Variants in ENKD1 observed in about 807,000 individuals in gnomAD.
The protein encoded by ENKD1 is enkurin domain containing 1.
In ENKD1, 39 loss-of-function variants were observed where a neutral mutation model predicts 35.8. The observed-to-expected ratio is 1.09, with a 90% CI of 0.84 to 1.42. The LOEUF (loss-of-function observed/expected upper bound fraction) is 1.42, where lower values mean the gene tolerates loss of function less well. ENKD1 is among the 40% of genes most tolerant of loss of function. The pLI, the probability that ENKD1 is intolerant of heterozygous loss-of-function variation, is 0.00. For synonymous variants in ENKD1, 205 were observed against 198.6 expected, an observed-to-expected ratio of 1.03 and a Z score of -0.27; for missense variants, 474 against 471.3, an observed-to-expected ratio of 1.01 and a Z score of -0.05.
At chr16:67,665,276 T>C in intron 2 of ENKD1, 108 bp from the exon 3 acceptor site, 1 of 1,277,372 alleles carries the variant, frequency 7.8e-7, no homozygotes, top group Non-Finnish European at 1.1e-6. Context: ...AAGAGCTCCC[T>C]GACCTCTCCA....
In ENKD1 at chr16:67,665,262, C is replaced by A. The variant is rs1402930947; in HGVS notation, c.281-94G>T. The stretch of plus-strand genomic sequence containing the variant: ...ACACAGGCCTGCCCCCTGCCTCCTA[C>A]AGAAAGAGCTCCCTGACCTCTCCAA... On this transcript the variant is annotated intron_variant, in intron 2 of 6. Transcript: ENST00000243878. The A allele has an allele frequency of 1.1e-5, 15 of 1,427,116 alleles. No individual in the cohort carries two copies. In the East Asian group the frequency reaches 3.3e-4, roughly 31 times the overall value. The allele number at this position is 1,427,116 out of a possible 1,614,324, so 88.4% of individuals were successfully genotyped here.
intron 3 of ENKD1, 42 bp from the exon 4 acceptor site, chr16:67,664,104 T>G (rs368355254): frequency 6.5e-7 from 1 of 1,532,382 alleles, no homozygotes. Context: ...CAGGCTGAGG[T>G]CTGGGGCTCA....
In ENKD1 at chr16:67,663,008, C is replaced by A; in HGVS notation, c.*153G>T. ...AAAGGCTAGGGTGGCCCTTCTGCAG[C>A]CACTGGTGACTGGGAAGAGTGCTCT... On this transcript the variant is annotated 3_prime_UTR_variant, in exon 7 of 7. Transcript: ENST00000243878. 1.2e-6 allele frequency: 1 copy of A among 844,406 alleles called. No individual in the cohort carries two copies. Among genetic ancestry groups the A allele is most frequent in the Non-Finnish European group, 1.8e-6 (1 of 558,586 alleles). The allele number at this position is 844,406 out of a possible 1,614,324, so 52.3% of individuals were successfully genotyped here. A position where few individuals can be genotyped will look rare whatever the true frequency, so the allele number is the denominator to read the frequency against.
chr16:67,665,368 C>CATTATT (rs748706844), intron 2 of ENKD1, among the ~76,000 whole-genome samples, 200 bp from the exon 3 acceptor site: 42 of 151,390 alleles, frequency 2.8e-4, no homozygotes, highest in South Asian at 1.0e-3. Flanking sequence ...TGATTTTCTC[C>CATTATT]ATTATTATTA....
Position 67,662,980 on chromosome 16 carries a change from T to C in ENKD1, c.*181A>G. The C allele has an allele frequency of 2.9e-6, 2 of 692,870 alleles. No individual in the cohort carries two copies. The allele number at this position is 692,870 out of a possible 1,614,324, so 42.9% of individuals were successfully genotyped here. A position where few individuals can be genotyped will look rare whatever the true frequency, so the allele number is the denominator to read the frequency against. Reference sequence around the variant, plus strand: ...AAAATGTTTAATTTTGACAAAGCAGTTAAAAGGCTAGGGTGGCCCTTCTGC... The same window carrying C: ...AAAATGTTTAATTTTGACAAAGCAGCTAAAAGGCTAGGGTGGCCCTTCTGC... On this transcript the variant is annotated 3_prime_UTR_variant, in exon 7 of 7. Transcript: ENST00000243878. This position sits in a 1 kb window ranked among gnomAD's most constrained non-coding sequence, Gnocchi z 6.9.
At position 67,663,472 on chromosome 16, in the gene ENKD1, G is replaced by C. The variant is rs940114667; in HGVS notation, c.828C>G (p.His276Gln). 2.8e-5 allele frequency: 45 copies of C among 1,613,222 alleles called. No individual in the cohort carries two copies. Among genetic ancestry groups the C allele is most frequent in the Non-Finnish European group, 3.7e-5 (44 of 1,179,926 alleles). Reference protein sequence around the residue: ...SQPDPAMPPGHTRMPENQRLE... With the variant: ...SQPDPAMPPGQTRMPENQRLE... ...GCCGCTGGTTCTCAGGCATGCGCGT[G>C]TGGCCTGGGGGCATGGCAGGGTCCG... The change falls in exon 6 of 7, where the codon CAC (histidine) becomes CAG (glutamine). Residue 276 changes from histidine (H) to glutamine (Q), a missense_variant. His to Gln is a conservative substitution (Grantham distance 24). Coordinates refer to ENST00000243878, the MANE Select transcript of ENKD1 (RefSeq NM_032140.3).
Position 67,666,591 on chromosome 16 carries a change from C to T in ENKD1, c.-149G>A, listed in dbSNP as rs2053107579. ...CCACTCCCGGGCCCCTGCCGGTCCCCGCCTGGGCCCCGGCCTCGCTCGCCA... is the reference window on the plus strand; with the variant it reads ...CCACTCCCGGGCCCCTGCCGGTCCCTGCCTGGGCCCCGGCCTCGCTCGCCA... On this transcript the variant is annotated 5_prime_UTR_variant, in exon 1 of 7. Coordinates refer to ENST00000243878, the MANE Select transcript of ENKD1 (RefSeq NM_032140.3). 2 of 699,466 alleles carry T rather than the reference C, an allele frequency of 2.9e-6. No homozygotes were observed. The highest frequency in any genetic ancestry group is 3.8e-5 in the African/African-American group (2 of 52,414). 43.3% of individuals were successfully genotyped at this position (699,466 alleles called of 1,614,324 possible).
At chr16:67,664,821 A>G in intron 3 of ENKD1, 175 bp downstream of exon 3, 1 of 705,030 alleles carries the variant, frequency 1.4e-6, no homozygotes, top group Non-Finnish European at 2.2e-6. Flanking sequence ...CCTCAGGATC[A>G]GCCCCACCAT....
intron 2 of ENKD1, among the ~76,000 whole-genome samples, 176 bp downstream of exon 2, chr16:67,665,895 C>A (rs2053094263): frequency 6.6e-6 from 1 of 152,238 alleles, no homozygotes; most frequent in African/African-American, 2.4e-5. Flanking sequence ...GGAACTACCT[C>A]ATTCAGTTCA....
chr16:67,663,748 A>T lies in ENKD1; in HGVS notation c.652T>A (p.Cys218Ser). ...AAKRAPRRHS[C>S]SLQVLAQVLE... ...ACTTGTGCCAGGACCTGCAGTGAGCAGGAATGCCTCCGGGGGGCTCTCTTG... is the reference window on the plus strand; with the variant it reads ...ACTTGTGCCAGGACCTGCAGTGAGCTGGAATGCCTCCGGGGGGCTCTCTTG... The change falls in exon 5 of 7, where the codon TGC (cysteine) becomes AGC (serine). Residue 218 changes from cysteine to serine, a missense_variant. Cys to Ser is a moderately radical substitution (Grantham distance 112). Transcript: ENST00000243878. The T allele has an allele frequency of 6.2e-7, 1 of 1,612,328 alleles. No individual in the cohort carries two copies. The highest frequency in any genetic ancestry group is 8.5e-7 in the Non-Finnish European group (1 of 1,179,254).
chr16:67,665,300 C>G (rs1300212583), intron 2 of ENKD1, 132 bp from the exon 3 acceptor site: 3 of 824,976 alleles, frequency 3.6e-6, no homozygotes, highest in Non-Finnish European at 5.5e-6. Flanking sequence ...ACCTTAGACC[C>G]TACACACACT....
intron 3 of ENKD1, 93 bp from the exon 4 acceptor site, chr16:67,664,155 C>T (rs891245075): frequency 1.3e-5 from 15 of 1,160,820 alleles, no homozygotes; most frequent in Middle Eastern, 3.8e-4. Flanking sequence ...CTGACCTTTG[C>T]ATCCATGTCC....
Position 67,666,517 on chromosome 16 carries a change from C to A in ENKD1, c.-75G>T. 2 of 1,300,588 alleles carry A rather than the reference C, an allele frequency of 1.5e-6. No homozygotes were observed. The highest frequency in any genetic ancestry group is 2.0e-6 in the Non-Finnish European group (2 of 999,130). The allele number at this position is 1,300,588 out of a possible 1,614,324, so 80.6% of individuals were successfully genotyped here. A position where few individuals can be genotyped will look rare whatever the true frequency, so the allele number is the denominator to read the frequency against. ...ACCTCCCTCCCCGGGCCCCCTTCCC[C>A]AACCCCGGGCCCCCTCCCTCGCCCG... On this transcript the variant is annotated 5_prime_UTR_variant, in exon 1 of 7. Coordinates refer to ENST00000243878, the MANE Select transcript of ENKD1 (RefSeq NM_032140.3).
rs763840775 is a variant in ENKD1, at chr16:67,663,507, G to A, written c.793C>T (p.Gln265Ter). Residue 265 changes from glutamine (Q) to a stop codon, truncating the protein, a stop_gained, in exon 6 of 7, where the codon CAG (glutamine) becomes TAG (stop). Transcript: ENST00000243878. LOFTEE classifies it high-confidence loss of function. ...GGCATGGCAGGGTCCGGCTGGCTCT[G>A]CTTGCGGGCCTCGGCCTCCCGCCGC... ...LWRREAEARKQSQPDPAMPPG... is the reference protein window; with the variant it reads ...LWRREAEARK 1.1e-5 allele frequency: 18 copies of A among 1,612,284 alleles called. No individual in the cohort carries two copies. The highest frequency in any genetic ancestry group is 1.3e-5 in the Non-Finnish European group (15 of 1,179,844).
At position 67,666,348 on chromosome 16, in the gene ENKD1, C is replaced by G; in HGVS notation, c.85+10G>C. Reference sequence around the variant, plus strand: ...TGAGCCTCGCACCACCGCCAAGCCCCCGGACTCACCCGAGGTCGGCCGCCT... The same window carrying G: ...TGAGCCTCGCACCACCGCCAAGCCCGCGGACTCACCCGAGGTCGGCCGCCT... On this transcript the variant is annotated intron_variant, in intron 1 of 6. Coordinates refer to ENST00000243878, the MANE Select transcript of ENKD1 (RefSeq NM_032140.3). 1.3e-6 allele frequency: 2 copies of G among 1,581,392 alleles called. No homozygotes were observed. The highest frequency in any genetic ancestry group is 2.3e-5 in the South Asian group (2 of 88,716).
intron 6 of ENKD1, 45 bp downstream of exon 6, chr16:67,663,375 G>A: frequency 1.2e-6 from 2 of 1,611,554 alleles, no homozygotes; most frequent in Non-Finnish European, 1.7e-6. Context: ...GGGGTGCCCG[G>A]TCCCCAGTGG....
In ENKD1 at chr16:67,663,193, G is replaced by C. The variant is rs754474146; in HGVS notation, c.1009C>G (p.Arg337Gly). 2 of 1,614,048 alleles carry C rather than the reference G, an allele frequency of 1.2e-6. No individual in the cohort carries two copies. The highest frequency in any genetic ancestry group is 1.1e-5 in the South Asian group (1 of 91,080). Residue 337 changes from arginine (R) to glycine (G), a missense_variant, in exon 7 of 7, where the codon CGG becomes GGG. Transcript: ENST00000243878. ...QVEEAIKIFS[R>G]PKVFVKMDD is the part of the protein sequence containing the mutation. The stretch of plus-strand genomic sequence containing the variant: ...TCCATCTTCACGAAGACTTTGGGCC[G>C]AGAAAAGATCTTGATGGCCTCCTCT...
At chr16:67,663,392 C>G in intron 6 of ENKD1, 28 bp downstream of exon 6, 1 of 1,611,788 alleles carries the variant, frequency 6.2e-7, no homozygotes, top group Non-Finnish European at 8.5e-7. Flanking sequence ...GTGGGGCCCC[C>G]CTCCAGCCTC....
rs897815631 is a variant in ENKD1 at position 67,663,780 on chromosome 16, C to T, written c.620G>A (p.Arg207Gln). The change falls in exon 5 of 7, where the codon CGA becomes CAA. Residue 207 changes from arginine (R) to glutamine (Q), a missense_variant. Transcript: ENST00000243878. ...LGVDFIRHNA[R>Q]AAKRAPRRHS... ...CCTCCGGGGGGCTCTCTTGGCAGCT[C>T]GTGCATTGTGACGAATGAAGTCCAC... The T allele has an allele frequency of 2.5e-5, 40 of 1,609,324 alleles. No individual in the cohort carries two copies. The highest frequency in any genetic ancestry group is 3.2e-5 in the Non-Finnish European group (38 of 1,177,760).
Sources: allele counts gnomAD v4.1 joint callset (sites outside exome capture counted in the v4.1 genomes callset), GRCh38; gene constraint gnomAD v4.1.1; non-coding constraint Gnocchi (gnomAD v3.1); transcripts MANE v1.5; gene names NCBI Gene and HGNC (gene_info 2026-07-23, HGNC 2026-07-21).